ADH1C: variants seen among roughly 807,000 people sequenced by gnomAD.
The protein encoded by ADH1C is alcohol dehydrogenase 1C.
In ADH1C, 26 loss-of-function variants were observed where a neutral mutation model predicts 35.0. The observed-to-expected ratio is 0.74, with a 90% CI of 0.54 to 1.03. ADH1C has a LOEUF of 1.03. ADH1C is among the 50% of genes least tolerant of loss of function. The pLI, the probability that ADH1C is intolerant of heterozygous loss-of-function variation, is 0.00. For missense variants in ADH1C, 413 were observed against 465.4 expected (o/e 0.89, Z 1.04); for synonymous variants, 170 against 169.3 (o/e 1.00, Z -0.03).
intron 3 of ADH1C, among the ~76,000 whole-genome samples, chr4:99,346,637 A>C (rs1734535425): frequency 6.6e-6 from 1 of 151,584 alleles, no homozygotes; most frequent in African/African-American, 2.4e-5. Context: ...CTCCCCTCCC[A>C]TTTATAGTTT....
At chr4:99,349,656 C>T (rs1018439174) in intron 1 of ADH1C, among the ~76,000 whole-genome samples, 2 of 133,564 alleles carry the variant, frequency 1.5e-5, no homozygotes, top group African/African-American at 5.0e-5. Flanking sequence ...TTTCTCTCTC[C>T]ACTTCTGTGT....
chr4:99,345,309 G>T (rs890586015), intron 3 of ADH1C, 43 bp from the exon 4 acceptor site: 7 of 1,552,362 alleles, frequency 4.5e-6, no homozygotes, highest in African/African-American at 1.4e-5. Context: ...TTCTATGCAG[G>T]AATTAATAGA....
At chr4:99,347,211 C>T in intron 2 of ADH1C, 67 bp from the exon 3 acceptor site, 4 of 1,535,640 alleles carry the variant, frequency 2.6e-6, no homozygotes, top group Non-Finnish European at 3.5e-6. Context: ...CTTAACAAAC[C>T]CAATTTTCTA....
chr4:99,338,811 G>T (rs1734346070), intron 8 of ADH1C, among the ~76,000 whole-genome samples: 1 of 151,026 alleles, frequency 6.6e-6, no homozygotes, highest in South Asian at 2.1e-4. Flanking sequence ...TGGGATAGCA[G>T]AAAAATCTCA....
chr4:99,339,589 C>A lies in ADH1C; in HGVS notation c.1091G>T (p.Arg364Leu). The change falls in exon 8 of 9, where the codon CGC (arginine) becomes CTC (leucine). Residue 364 changes from arginine (R) to leucine (L), a missense_variant. Coordinates refer to ENST00000515683, the MANE Select transcript of ADH1C (RefSeq NM_000669.5). Reference sequence around the variant, plus strand: ...ACTTAAAATCTACCTCTTTCCAGAGCGAAGCAGGTCAAATCCTTCATTTAT... The same window carrying A: ...ACTTAAAATCTACCTCTTTCCAGAGAGAAGCAGGTCAAATCCTTCATTTAT... ...EKINEGFDLL[R>L]SGKSIRTVLT... 1 of 1,577,240 alleles carries A rather than the reference C, an allele frequency of 6.3e-7. No individual in the cohort carries two copies. Among genetic ancestry groups the A allele is most frequent in the Non-Finnish European group, 8.6e-7 (1 of 1,160,830 alleles).
chr4:99,346,970 G>A, intron 3 of ADH1C, 36 bp downstream of exon 3: 1 of 1,602,998 alleles, frequency 6.2e-7, no homozygotes, highest in Non-Finnish European at 8.5e-7. Flanking sequence ...TTGTGATGGT[G>A]AACCAAGGCA....
intron 2 of ADH1C, among the ~76,000 whole-genome samples, chr4:99,347,541 T>A (rs1156545393): frequency 6.6e-6 from 1 of 152,238 alleles, no homozygotes; most frequent in African/African-American, 2.4e-5. Context: ...AATTCTTTTG[T>A]ATTTCACTGG....
At chr4:99,340,538 G>T in intron 7 of ADH1C, 37 bp downstream of exon 7, 1 of 1,610,870 alleles carries the variant, frequency 6.2e-7, no homozygotes, top group Non-Finnish European at 8.5e-7. Context: ...AAATTCTTAG[G>T]TTAATGAGAA....
intron 6 of ADH1C, among the ~76,000 whole-genome samples, chr4:99,342,494 T>C (rs1734438331): frequency 6.6e-6 from 1 of 152,222 alleles, no homozygotes; most frequent in Non-Finnish European, 1.5e-5. Context: ...GTATTATTTA[T>C]ATATATTTAA....
In ADH1C at chr4:99,345,225, A is replaced by C; in HGVS notation, c.301T>G (p.Cys101Gly). Residue 101 changes from cysteine to glycine, a missense_variant, in exon 4 of 9, where the codon TGC (cysteine) becomes GGC (glycine). Cys to Gly is a radical substitution (Grantham distance 159). Coordinates refer to ENST00000515683, the MANE Select transcript of ADH1C (RefSeq NM_000669.5). ...IPLFTPQCGK[C>G]RICKNPESNY... ...CTTTCTGGGTTTTTACAAATTCTGC[A>C]TTTTCCACACTGAGGAGTAAAGAGC... 1 of 1,614,074 alleles carries C rather than the reference A, an allele frequency of 6.2e-7. No homozygotes were observed. Among genetic ancestry groups the C allele is most frequent in the Non-Finnish European group, 8.5e-7 (1 of 1,179,956 alleles).
rs536920331 is a variant in ADH1C at position 99,337,882 on chromosome 4, A to C, written c.1104-1106T>G. Among the ~76,000 whole-genome samples the C allele has an allele frequency of 1.1e-4, 16 of 152,124 alleles. No individual in the cohort carries two copies. The East Asian group carries it at 3.1e-3, about 29-fold the overall frequency. ...CAATGAAGTCTTTTTCATTTCTAAC[A>C]GTTGCTTAGAATTTATTAAATCATA... On this transcript the variant is annotated intron_variant, in intron 8 of 8. Coordinates refer to ENST00000515683, the MANE Select transcript of ADH1C (RefSeq NM_000669.5).
At position 99,339,526 on chromosome 4, in the gene ADH1C, C is replaced by T. The variant is rs75782112; in HGVS notation, c.1103+51G>A. On this transcript the variant is annotated intron_variant, in intron 8 of 8. Transcript: ENST00000515683. The stretch of plus-strand genomic sequence containing the variant: ...TGCTAGACAACGCCCCCCCCCCCCC[C>T]GCCGCTACTGTAGAATACAAAGCAA... 111 of 1,218,968 alleles carry T rather than the reference C, an allele frequency of 9.1e-5. 1 individual carries two copies. Among genetic ancestry groups the T allele is most frequent in the African/African-American group, 2.5e-4 (15 of 60,330 alleles). 75.5% of individuals were successfully genotyped at this position (1,218,968 alleles called of 1,614,324 possible).
At chr4:99,338,768 T>C (rs1734345390) in intron 8 of ADH1C, among the ~76,000 whole-genome samples, 2 of 150,524 alleles carry the variant, frequency 1.3e-5, no homozygotes, top group South Asian at 4.3e-4. Context: ...AAAGAAACAC[T>C]ATTTGAAGTT....
intron 3 of ADH1C, among the ~76,000 whole-genome samples, chr4:99,346,617 G>GT (rs147264242): frequency 7.3e-5 from 11 of 151,226 alleles, no homozygotes; most frequent in East Asian, 5.8e-4. Context: ...CCATACTTAT[G>GT]TTTTTTTTTC....
chr4:99,352,013 G>A (rs34761493), intron 1 of ADH1C, among the ~76,000 whole-genome samples: 17,330 of 152,184 alleles, frequency 0.11, 1,482 homozygotes, highest in Admixed American at 0.27. Flanking sequence ...GGGAGATACT[G>A]TTCCATAAGA....
rs553651224 is a variant in ADH1C at position 99,342,789 on chromosome 4, T to A, written c.828+6A>T. ...CAGAAATTTCAGGGCATGTCACGGA[T>A]CATACCATGGTGTCAAGCCGACCGA... On this transcript the variant is annotated splice_donor_region_variant and intron_variant, in intron 6 of 8. Transcript: ENST00000515683. The A allele has an allele frequency of 2.2e-3, 3,544 of 1,610,308 alleles. 10 individuals are homozygous for A. The highest frequency in any genetic ancestry group is 2.6e-3 in the Non-Finnish European group (3,043 of 1,176,406).
intron 1 of ADH1C, 41 bp from the exon 2 acceptor site, chr4:99,347,887 C>G (rs371506789): frequency 1.9e-6 from 3 of 1,607,468 alleles, no homozygotes; most frequent in Middle Eastern, 1.7e-4. Flanking sequence ...TGTTTTCCCA[C>G]GCTTGCAGTC....
At position 99,342,937 on chromosome 4, in the gene ADH1C, T is replaced by A. The variant is rs1330942163; in HGVS notation, c.686A>T (p.Lys229Ile). The A allele has an allele frequency of 8.1e-6, 13 of 1,614,156 alleles. No homozygotes were observed. The highest frequency in any genetic ancestry group is 8.5e-6 in the Non-Finnish European group (10 of 1,180,032). Residue 229 changes from lysine to isoleucine, a missense_variant, in exon 6 of 9, where the codon AAA (lysine) becomes ATA (isoleucine). By Grantham distance (102) the Lys-to-Ile change is moderately radical. Coordinates refer to ENST00000515683, the MANE Select transcript of ADH1C (RefSeq NM_000669.5). ...RIIAVDINKD[K>I]FAKAKELGAT... ...ACCCAACTCTTTAGCCTTTGCAAAT[T>A]TGTCCTTGTTGATGTCCACAGCAAT...
At chr4:99,339,443 TGGCAATGGAAAACCAA>T (rs1313338991) in intron 8 of ADH1C, 118 bp downstream of exon 8, 1 of 778,590 alleles carries the variant, frequency 1.3e-6, no homozygotes, top group Non-Finnish European at 2.0e-6. Flanking sequence ...AAGATTGAAC[TGGCAATGGAAAACCAA>T]GGCACTGTAA....
Sources: gnomAD v4.1 joint callset for allele counts (sites outside exome capture counted in the v4.1 genomes callset) on GRCh38, gnomAD v4.1.1 for gene constraint, MANE v1.5 for transcripts, NCBI Gene and HGNC (gene_info 2026-07-23, HGNC 2026-07-21) for gene names.